The following TRHDE variants were observed in gnomAD, a reference collection of about 807,000 sequenced individuals.
The protein encoded by TRHDE is thyrotropin releasing hormone degrading enzyme.
TRHDE carries 72 observed loss-of-function variants against 125.7 expected under a neutral mutation model. The observed-to-expected ratio is 0.57, with a 90% confidence interval of 0.47 to 0.70. TRHDE has a LOEUF of 0.70. TRHDE is among the 30% of genes least tolerant of loss of function. The pLI, the probability that TRHDE is intolerant of heterozygous loss-of-function variation, is 0.00. For synonymous variants in TRHDE, 509 were observed against 509.1 expected (o/e 1.00, Z 0.00); for missense variants, 1,110 against 1,327.1 (o/e 0.84, Z 2.54).
intron 6 of TRHDE, among the ~76,000 whole-genome samples, chr12:72,501,581 G>A (rs146179606): frequency 7.4e-4 from 113 of 152,004 alleles, no homozygotes; most frequent in African/African-American, 2.6e-3. Context: ...TAAATTGTTG[G>A]ATTCAATTTG....
At chr12:72,452,937 T>C (rs1875651797) in intron 3 of TRHDE, among the ~76,000 whole-genome samples, 1 of 152,160 alleles carries the variant, frequency 6.6e-6, no homozygotes, top group African/African-American at 2.4e-5. Flanking sequence ...CAATTAAACA[T>C]TTTCTTCATA....
rs1323145517 is a variant in TRHDE, at chr12:72,095,745, T to C, written n.174+8306T>C. On this transcript the variant is annotated intron_variant and non_coding_transcript_variant, in intron 1 of 4. Transcript: ENST00000548156. ...CATGAAGAAATTTGCTAAGACTTGT[T>C]GTTCCTATACTCAGTGTGATGGTTA... is the stretch of plus-strand genomic sequence containing the variant. Among the ~76,000 whole-genome samples, 3 of 152,228 alleles carry C rather than the reference T, an allele frequency of 2.0e-5. No homozygotes were observed. The East Asian group carries it at 5.8e-4, about 29-fold the overall frequency.
rs533632703 is a variant in TRHDE at position 72,122,811 on chromosome 12, C to A, written n.279+17059C>A. Among the ~76,000 whole-genome samples, 7 of 152,042 alleles carry A rather than the reference C, an allele frequency of 4.6e-5. No homozygotes were observed. In the East Asian group the frequency reaches 1.4e-3, roughly 29 times the overall value. ...CCAAATATATCTTTTTCGTTTTATTCACAAGGAGCTCCAAACCTAAATATT... is the reference window on the plus strand; with the variant it reads ...CCAAATATATCTTTTTCGTTTTATTAACAAGGAGCTCCAAACCTAAATATT... On this transcript the variant is annotated intron_variant and non_coding_transcript_variant, in intron 2 of 4. Coordinates refer to the TRHDE transcript ENST00000548156.
rs1592538238 is a variant in TRHDE, at chr12:72,563,121, C to G, written c.2042+81C>G. On this transcript the variant is annotated intron_variant, in intron 9 of 18. Coordinates refer to ENST00000261180, the MANE Select transcript of TRHDE (RefSeq NM_013381.3). ...TTAATATTTCAAAGAGCATTAATAACAAAATTCTGAAATATTGTAAGTGAA... is the reference window on the plus strand; with the variant it reads ...TTAATATTTCAAAGAGCATTAATAAGAAAATTCTGAAATATTGTAAGTGAA... The G allele has an allele frequency of 5.7e-6, 6 of 1,060,096 alleles. No homozygotes were observed. In the East Asian group the frequency reaches 1.6e-4, roughly 28 times the overall value. The allele number at this position is 1,060,096 out of a possible 1,614,324, so 65.7% of individuals were successfully genotyped here.
intron 6 of TRHDE, among the ~76,000 whole-genome samples, chr12:72,512,060 G>A (rs539778688): frequency 6.6e-6 from 1 of 152,130 alleles, no homozygotes; most frequent in South Asian, 2.1e-4. Flanking sequence ...TTGCTGAAAA[G>A]CTTAAGAAGG....
At chr12:72,388,750 A>T (rs371678278) in intron 3 of TRHDE, among the ~76,000 whole-genome samples, 5 of 152,186 alleles carry the variant, frequency 3.3e-5, no homozygotes, top group African/African-American at 1.2e-4. Flanking sequence ...GTTGGTGAAA[A>T]ATGGGTGAGT....
intron 1 of TRHDE, chr12:72,087,464 A>G (rs1390271161): frequency 6.6e-6 from 1 of 152,224 alleles, no homozygotes; most frequent in Non-Finnish European, 1.5e-5. Context: ...AATCCAGAGC[A>G]TGGGCCTAGG....
At chr12:72,424,325 TATAAGA>T (rs1439265084) in intron 3 of TRHDE, among the ~76,000 whole-genome samples, 1 of 152,130 alleles carries the variant, frequency 6.6e-6, no homozygotes, top group Non-Finnish European at 1.5e-5. Context: ...TTCCTTTTCT[TATAAGA>T]ATATCAATCA....
In TRHDE at chr12:72,181,614, G is replaced by A. The variant is rs1436915164; in HGVS notation, n.279+75862G>A. 2.0e-5 allele frequency among the ~76,000 whole-genome samples: 3 copies of A among 152,268 alleles called. No homozygotes were observed. The East Asian group carries it at 5.8e-4, about 29-fold the overall frequency. On this transcript the variant is annotated intron_variant and non_coding_transcript_variant, in intron 2 of 4. Transcript: ENST00000548156. Reference sequence around the variant, plus strand: ...TGTAGCATGATTTAGAATTAAATATGTATATGCTAATAGTATACTGGAGAA... The same window carrying A: ...TGTAGCATGATTTAGAATTAAATATATATATGCTAATAGTATACTGGAGAA...
chr12:72,566,994 T>C (rs904303316), intron 9 of TRHDE, among the ~76,000 whole-genome samples: 1 of 151,938 alleles, frequency 6.6e-6, no homozygotes, highest in African/African-American at 2.4e-5. Context: ...AGACTCATAG[T>C]TGGGCATCAT....
chr12:72,618,392 GA>G (rs543847045), intron 12 of TRHDE, among the ~76,000 whole-genome samples: 1 of 152,066 alleles, frequency 6.6e-6, no homozygotes, highest in Non-Finnish European at 1.5e-5. Context: ...AAAAAGGTTT[GA>G]AAAACATGCT....
intron 5 of TRHDE, among the ~76,000 whole-genome samples, chr12:72,495,540 T>C (rs2135931318): frequency 6.6e-6 from 1 of 152,202 alleles, no homozygotes; most frequent in African/African-American, 2.4e-5. Flanking sequence ...TCTGAACTAA[T>C]TAATCATTTC....
chr12:72,632,512 A>C (rs1321882201), intron 15 of TRHDE, among the ~76,000 whole-genome samples: 1 of 151,912 alleles, frequency 6.6e-6, no homozygotes, highest in Non-Finnish European at 1.5e-5. Context: ...TATACCTCTT[A>C]AGTATTAAAT....
intron 5 of TRHDE, among the ~76,000 whole-genome samples, chr12:72,481,375 TAAA>T (rs748910207): frequency 2.1e-5 from 3 of 141,094 alleles, no homozygotes; most frequent in Admixed American, 1.4e-4. Flanking sequence ...AAGAGAAAGT[TAAA>T]AAAAAAAAAA....
At chr12:72,340,036 G>GCATT (rs1870010376) in intron 2 of TRHDE, among the ~76,000 whole-genome samples, 1 of 152,156 alleles carries the variant, frequency 6.6e-6, no homozygotes, top group Non-Finnish European at 1.5e-5. Context: ...AGTTGCAACT[G>GCATT]CATTGCAGGT....
intron 12 of TRHDE, among the ~76,000 whole-genome samples, chr12:72,604,175 T>G (rs1872332114): frequency 6.6e-6 from 1 of 152,188 alleles, no homozygotes; most frequent in South Asian, 2.1e-4. Flanking sequence ...GTGTGCTTAT[T>G]TCCTCATCTT....
At chr12:72,218,002 A>G (rs1480221576) in intron 2 of TRHDE, among the ~76,000 whole-genome samples, 1 of 152,166 alleles carries the variant, frequency 6.6e-6, no homozygotes, top group Non-Finnish European at 1.5e-5. Context: ...TTCATGATCT[A>G]GCAATGGCAA....
At chr12:72,483,107 A>G (rs1877248210) in intron 5 of TRHDE, among the ~76,000 whole-genome samples, 1 of 151,804 alleles carries the variant, frequency 6.6e-6, no homozygotes, top group Non-Finnish European at 1.5e-5. Flanking sequence ...CTTTCATTTA[A>G]TAAACATTTA....
intron 6 of TRHDE, among the ~76,000 whole-genome samples, chr12:72,506,493 T>C (rs1224852092): frequency 1.6e-4 from 24 of 152,228 alleles, no homozygotes; most frequent in Non-Finnish European, 4.4e-5. Flanking sequence ...ATCCCATTTA[T>C]TCCTGACAGA....
Sources: gnomAD v4.1 joint callset for allele counts (sites outside exome capture counted in the v4.1 genomes callset) on GRCh38, gnomAD v4.1.1 for gene constraint, MANE v1.5 for transcripts, NCBI Gene and HGNC (gene_info 2026-07-23, HGNC 2026-07-21) for gene names.